HECW2: variants seen among roughly 807,000 people sequenced by gnomAD.
HECW2 encodes E3 ubiquitin-protein ligase HECW2.
A neutral mutation model predicts 175.2 loss-of-function variants in HECW2; 61 were observed. That is an observed-to-expected ratio of 0.35 (90% confidence interval 0.28 to 0.43). HECW2 has a LOEUF of 0.43. HECW2 is among the 20% of genes least tolerant of loss of function. HECW2 has a pLI of 1.00. For missense variants in HECW2, 1,524 were observed against 2,000.5 expected (o/e 0.76, Z 4.54); for synonymous variants, 671 against 731.0 (o/e 0.92, Z 1.32).
rs757931801 is a variant in HECW2 at position 196,318,748 on chromosome 2, A to C, written c.2142T>G (p.Ser714Arg). ...CTGCCCCTGGCCCTTCATCCTCCCC[A>C]CTGGGCACCTGTACCACAGGTAAAG... ...AGSLPVVQVP[S>R]GEDEGPGAES... is the part of the protein sequence containing the mutation. Residue 714 changes from serine to arginine, a missense_variant, in exon 9 of 29, where the codon AGT (serine) becomes AGG (arginine). Ser to Arg is a moderately radical substitution (Grantham distance 110, BLOSUM62 -1). Around this residue, in one of 11 missense-constraint regions of HECW2, gnomAD observed 604 missense variants for 588.3 expected, o/e 1.03. Transcript: ENST00000644978. 11 of 1,530,664 alleles carry C rather than the reference A, an allele frequency of 7.2e-6. No individual in the cohort carries two copies. Among genetic ancestry groups the C allele is most frequent in the Non-Finnish European group, 9.7e-6 (11 of 1,138,628 alleles). The allele number at this position is 1,530,664 out of a possible 1,614,324, so 94.8% of individuals were successfully genotyped here.
At chr2:196,211,953 C>T (rs924860003) in intron 28 of HECW2, among the ~76,000 whole-genome samples, 2 of 152,218 alleles carry the variant, frequency 1.3e-5, no homozygotes, top group African/African-American at 4.8e-5. Flanking sequence ...AGCGATTCTC[C>T]TGCCTCCCGA....
chr2:196,326,010 A>G (rs1014899504), intron 5 of HECW2, among the ~76,000 whole-genome samples: 3 of 152,210 alleles, frequency 2.0e-5, no homozygotes, highest in African/African-American at 7.2e-5. Context: ...ATCAGTTTGA[A>G]TAAGATAGGC....
chr2:196,258,671 T>C (rs1189807103), intron 17 of HECW2, among the ~76,000 whole-genome samples: 1 of 152,296 alleles, frequency 6.6e-6, no homozygotes, highest in East Asian at 1.9e-4. Context: ...TTTAATAATT[T>C]TTTTCCTAGT....
intron 18 of HECW2, among the ~76,000 whole-genome samples, chr2:196,255,211 G>A (rs1023220772): frequency 3.1e-5 from 4 of 129,956 alleles, no homozygotes; most frequent in Non-Finnish European, 4.6e-5. Flanking sequence ...GGTTGGTCTC[G>A]ATCTCCTGAC....
intron 24 of HECW2, among the ~76,000 whole-genome samples, chr2:196,221,366 G>A (rs75618264): frequency 6.6e-6 from 1 of 152,040 alleles, no homozygotes; most frequent in Non-Finnish European, 1.5e-5. Context: ...CACATGGAAT[G>A]CAGAAAAGCA....
intron 4 of HECW2, among the ~76,000 whole-genome samples, chr2:196,330,738 GA>G (rs1420305994): frequency 1.3e-5 from 2 of 152,048 alleles, no homozygotes; most frequent in African/African-American, 4.8e-5. Flanking sequence ...AGTTTAACAA[GA>G]ATCCCCCTAA....
rs908145818 is a variant in HECW2, at chr2:196,221,326, G to C, written c.4147-385C>G. On this transcript the variant is annotated intron_variant, in intron 24 of 28. Transcript: ENST00000644978. ...TACTTTAAAGCAGAATTACACTCAA[G>C]TGAATGTTAAATTGAGAACTTTTTC... is the stretch of plus-strand genomic sequence containing the variant. 2.6e-5 allele frequency among the ~76,000 whole-genome samples: 4 copies of C among 152,278 alleles called. No individual in the cohort carries two copies. The East Asian group carries it at 7.7e-4, about 29-fold the overall frequency.
chr2:196,344,322 G>GAAAAAAA lies in HECW2; in HGVS notation c.293-565_293-559dup, dbSNP rs60573890. Among the ~76,000 whole-genome samples the GAAAAAAA allele has an allele frequency of 5.6e-3, 381 of 67,468 alleles. 1 individual carries two copies. Among genetic ancestry groups the GAAAAAAA allele is most frequent in the African/African-American group, 8.7e-3 (135 of 15,586 alleles). The allele number at this position is 67,468 out of a possible 152,430, so 44.3% of individuals were successfully genotyped here. A position where few individuals can be genotyped will look rare whatever the true frequency, so the allele number is the denominator to read the frequency against. On this transcript the variant is annotated intron_variant, in intron 2 of 28. Transcript: ENST00000644978. ...AGGCATAGACCTTGAGACAAGATAA[G>GAAAAAAA]AAAAAAAAAAAAAAAAAAAAAAGAG...
intron 2 of HECW2, among the ~76,000 whole-genome samples, chr2:196,426,603 T>A (rs183203867): frequency 6.6e-6 from 1 of 152,110 alleles, no homozygotes; most frequent in East Asian, 1.9e-4. Flanking sequence ...AAGGAAAATA[T>A]TAACACTATA....
At chr2:196,306,219 T>G (rs1241579566) in intron 13 of HECW2, among the ~76,000 whole-genome samples, 1 of 152,206 alleles carries the variant, frequency 6.6e-6, no homozygotes, top group Admixed American at 6.5e-5. Flanking sequence ...GCCTCAATCT[T>G]GGCCTTCACA....
At chr2:196,238,460 T>TTTC (rs1224666207) in intron 21 of HECW2, 19 of 65,684 alleles carry the variant, frequency 2.9e-4, no homozygotes, top group African/African-American at 8.3e-4. Flanking sequence ...TCTTTCTTTC[T>TTTC]TTATTTTTTT....
At chr2:196,522,321 AT>A (rs1421147317) in intron 1 of HECW2, among the ~76,000 whole-genome samples, 3 of 151,770 alleles carry the variant, frequency 2.0e-5, no homozygotes, top group Admixed American at 1.3e-4. Context: ...CCACTTTTTG[AT>A]GGGGTTGTTT....
intron 1 of HECW2, among the ~76,000 whole-genome samples, chr2:196,505,575 C>A (rs1426345421): frequency 6.6e-6 from 1 of 151,936 alleles, no homozygotes; most frequent in Non-Finnish European, 1.5e-5. Context: ...AGAAACTAGA[C>A]TTGATTACTA....
At chr2:196,561,207 C>A (rs1179074710) in intron 1 of HECW2, among the ~76,000 whole-genome samples, 1 of 152,236 alleles carries the variant, frequency 6.6e-6, no homozygotes, top group Non-Finnish European at 1.5e-5. Flanking sequence ...AATGGCCACT[C>A]TGGGGGTGTC....
At chr2:196,414,414 C>T (rs1016353479) in intron 2 of HECW2, among the ~76,000 whole-genome samples, 1 of 152,206 alleles carries the variant, frequency 6.6e-6, no homozygotes, top group Non-Finnish European at 1.5e-5. Flanking sequence ...AGGATCTTCT[C>T]CCCTTCTAAC....
chr2:196,462,099 T>C (rs1207902783), intron 1 of HECW2, among the ~76,000 whole-genome samples: 1 of 152,032 alleles, frequency 6.6e-6, no homozygotes. Flanking sequence ...TAGAAACAGG[T>C]TTTTTCCTCT....
In HECW2 at chr2:196,308,541, T is replaced by C. The variant is rs867251850; in HGVS notation, c.2435-456A>G. Among the ~76,000 whole-genome samples the C allele has an allele frequency of 4.6e-5, 7 of 152,294 alleles. No homozygotes were observed. The South Asian group carries it at 1.5e-3, about 32-fold the overall frequency. On this transcript the variant is annotated intron_variant, in intron 10 of 28. Coordinates refer to ENST00000644978, the MANE Select transcript of HECW2 (RefSeq NM_001348768.2). Reference sequence around the variant, plus strand: ...CCACACGCATATTCATGCACAATTGTAGTAAATTTAGTCCTCAGAAAAAAA... The same window carrying C: ...CCACACGCATATTCATGCACAATTGCAGTAAATTTAGTCCTCAGAAAAAAA...
At chr2:196,537,222 T>C (rs1279523202) in intron 1 of HECW2, among the ~76,000 whole-genome samples, 2 of 151,986 alleles carry the variant, frequency 1.3e-5, no homozygotes, top group Non-Finnish European at 2.9e-5. Flanking sequence ...GAAAATGTGC[T>C]CCTAGACATA....
At chr2:196,527,811 G>A (rs910627215) in intron 1 of HECW2, among the ~76,000 whole-genome samples, 1 of 152,154 alleles carries the variant, frequency 6.6e-6, no homozygotes, top group Non-Finnish European at 1.5e-5. Context: ...GAGTCCACTT[G>A]AAATTTTTAA....
Sources: allele counts gnomAD v4.1 joint callset (sites outside exome capture counted in the v4.1 genomes callset), GRCh38; gene constraint gnomAD v4.1.1; regional missense constraint gnomAD v4.1.1; transcripts MANE v1.5; gene names NCBI Gene and HGNC (gene_info 2026-07-23, HGNC 2026-07-21).